HIBCH: variants seen among roughly 807,000 people sequenced by gnomAD.
HIBCH encodes the protein 3-hydroxyisobutyryl-CoA hydrolase, mitochondrial.
Under a neutral mutation model 58.2 loss-of-function variants are expected in HIBCH, and 50 were observed. The ratio of observed to expected loss-of-function variants is 0.86; its 90% confidence interval spans 0.68 to 1.09. The LOEUF (loss-of-function observed/expected upper bound fraction) is 1.09, where lower values mean the gene tolerates loss of function less well. Ranked by LOEUF, HIBCH falls within the 50% of genes least tolerant of loss-of-function variation. The pLI, the probability that HIBCH is intolerant of heterozygous loss-of-function variation, is 0.00. For synonymous variants in HIBCH, 151 were observed against 146.9 expected (o/e 1.03, Z -0.20); for missense variants, 450 against 449.7 (o/e 1.00, Z -0.01).
At chr2:190,213,258 T>A in intron 11 of HIBCH, 183 bp from the exon 12 acceptor site, 1 of 574,616 alleles carries the variant, frequency 1.7e-6, no homozygotes, top group Non-Finnish European at 3.1e-6. Flanking sequence ...AAACAAAACA[T>A]CATTCCACAA....
At chr2:190,202,182 C>T (rs1690264663), downstream of HIBCH, 1 of 167,022 alleles carries the variant, frequency 6.0e-6, no homozygotes, top group African/African-American at 2.4e-5. Flanking sequence ...AACTAGAAGT[C>T]TGATTTCTGT....
rs1468479808 is a variant in HIBCH at position 190,207,881 on chromosome 2, C to CA, written c.1045+998dup. Among the ~76,000 whole-genome samples the CA allele has an allele frequency of 1.5e-5, 2 of 136,606 alleles. No individual in the cohort carries two copies. Among genetic ancestry groups the CA allele is most frequent in the Non-Finnish European group, 3.2e-5 (2 of 63,382 alleles). 89.6% of individuals were successfully genotyped at this position (136,606 alleles called of 152,430 possible). A position where few individuals can be genotyped will look rare whatever the true frequency, so the allele number is the denominator to read the frequency against. On this transcript the variant is annotated intron_variant, in intron 13 of 13. Transcript: ENST00000359678. The surrounding 1 kb of genome is among the most constrained non-coding windows in gnomAD (Gnocchi z 4.5). Reference sequence around the variant, plus strand: ...GGGTGACAGTGTGAGACCCTGTCTCCAAAAAAAATAAAATAAAATAAAAAA... The same window carrying CA: ...GGGTGACAGTGTGAGACCCTGTCTCCAAAAAAAAATAAAATAAAATAAAAAA...
intron 6 of HIBCH, among the ~76,000 whole-genome samples, chr2:190,282,810 A>G (rs949973710): frequency 6.6e-6 from 1 of 150,984 alleles, no homozygotes; most frequent in South Asian, 2.1e-4. Context: ...AAATTTCTCT[A>G]TAACTGTATA....
rs1690417378 is a variant in HIBCH, at chr2:190,207,394, G to A, written c.1045+1486C>T. Among the ~76,000 whole-genome samples the A allele has an allele frequency of 6.6e-6, 1 of 152,138 alleles. No individual in the cohort carries two copies. The highest frequency in any genetic ancestry group is 1.5e-5 in the Non-Finnish European group (1 of 68,032). ...GAGAATTTGTGAGGAAAATGCCTATGTTACTTAGTTTCTACAAGACACACT... is the reference window on the plus strand; with the variant it reads ...GAGAATTTGTGAGGAAAATGCCTATATTACTTAGTTTCTACAAGACACACT... On this transcript the variant is annotated intron_variant, in intron 13 of 13. Transcript: ENST00000359678. This position sits in a 1 kb window ranked among gnomAD's most constrained non-coding sequence, Gnocchi z 4.5.
intron 1 of HIBCH, among the ~76,000 whole-genome samples, chr2:190,318,920 T>C (rs1025937201): frequency 6.6e-6 from 1 of 152,170 alleles, no homozygotes; most frequent in Non-Finnish European, 1.5e-5. Flanking sequence ...CCTGAAACTA[T>C]TCTTCTTAAG....
rs1446220861 is a variant in HIBCH at position 190,207,531 on chromosome 2, T to G, written c.1045+1349A>C. On this transcript the variant is annotated intron_variant, in intron 13 of 13. Coordinates refer to ENST00000359678, the MANE Select transcript of HIBCH (RefSeq NM_014362.4). This position sits in a 1 kb window ranked among gnomAD's most constrained non-coding sequence, Gnocchi z 4.5. ...TGAAGAGAACTCTATGAAGAGTGAT[T>G]GTTTATCAAAGCTTAAGAGCTGAGA... Among the ~76,000 whole-genome samples the G allele has an allele frequency of 2.6e-5, 4 of 152,216 alleles. No homozygotes were observed. Among genetic ancestry groups the G allele is most frequent in the Admixed American group, 2.6e-4 (4 of 15,280 alleles).
chr2:190,245,010 T>C, intron 10 of HIBCH, 42 bp from the exon 11 acceptor site: 1 of 1,206,132 alleles, frequency 8.3e-7, no homozygotes, highest in Non-Finnish European at 1.2e-6. Context: ...GTGTAAGTGA[T>C]TTCCTGTTTC....
chr2:190,289,200 T>C (rs540064780), intron 5 of HIBCH, among the ~76,000 whole-genome samples: 61 of 152,218 alleles, frequency 4.0e-4, no homozygotes, highest in African/African-American at 1.4e-3. Flanking sequence ...TATACAGCTT[T>C]TTTCATCACT....
chr2:190,284,769 T>C (rs2105979002), intron 6 of HIBCH, among the ~76,000 whole-genome samples: 1 of 152,320 alleles, frequency 6.6e-6, no homozygotes, highest in African/African-American at 2.4e-5. Context: ...TCTTAAGGCT[T>C]ATAATTTTAA....
At chr2:190,284,016 G>C (rs575534584) in intron 6 of HIBCH, among the ~76,000 whole-genome samples, 5 of 152,186 alleles carry the variant, frequency 3.3e-5, no homozygotes, top group African/African-American at 9.7e-5. Context: ...CCCCAGCCTC[G>C]AGACTGATTC....
In HIBCH at chr2:190,253,307, T is replaced by C. The variant is rs1191294951; in HGVS notation, c.518-1000A>G. On this transcript the variant is annotated intron_variant, in intron 7 of 13. Coordinates refer to ENST00000359678, the MANE Select transcript of HIBCH (RefSeq NM_014362.4). ...ACCCTCTAGTTTTATAATTTATGTA[T>C]CTGTTCTAAAGTTTCCTTTAATTAT... Among the ~76,000 whole-genome samples the C allele has an allele frequency of 2.6e-5, 4 of 152,184 alleles. No individual in the cohort carries two copies. In the East Asian group the frequency reaches 7.7e-4, roughly 29 times the overall value.
In HIBCH at chr2:190,243,454, C is replaced by T. The variant is rs1251117908; in HGVS notation, c.891+1433G>A. 6.6e-6 allele frequency among the ~76,000 whole-genome samples: 1 copy of T among 152,114 alleles called. No homozygotes were observed. The highest frequency in any genetic ancestry group is 6.5e-5 in the Admixed American group (1 of 15,290). ...CTATTAGTTCTTTCCCTCTAGAGAA[C>T]CCTGATACACCAACTTAAAGTCGGA... On this transcript the variant is annotated intron_variant, in intron 11 of 13. Coordinates refer to ENST00000359678, the MANE Select transcript of HIBCH (RefSeq NM_014362.4). The surrounding 1 kb of genome is among the most constrained non-coding windows in gnomAD (Gnocchi z 4.1).
chr2:190,195,137 T>C (rs1689908688), intron 1 of HIBCH, among the ~76,000 whole-genome samples: 1 of 152,156 alleles, frequency 6.6e-6, no homozygotes, highest in African/African-American at 2.4e-5. Flanking sequence ...GCTGGGATTG[T>C]AGGCGTGACT....
At chr2:190,231,498 G>A (rs930239362) in intron 11 of HIBCH, among the ~76,000 whole-genome samples, 11 of 152,042 alleles carry the variant, frequency 7.2e-5, no homozygotes, top group African/African-American at 1.2e-4. Flanking sequence ...AGTAATTACC[G>A]AAAAAGCTCT....
intron 2 of HIBCH, among the ~76,000 whole-genome samples, chr2:190,298,456 G>C (rs1280662710): frequency 6.6e-6 from 1 of 152,184 alleles, no homozygotes; most frequent in East Asian, 1.9e-4. Flanking sequence ...GACTGCGTGA[G>C]ATGGTATCTC....
At position 190,254,465 on chromosome 2, in the gene HIBCH, T is replaced by G. The variant is rs184885887; in HGVS notation, c.518-2158A>C. On this transcript the variant is annotated intron_variant, in intron 7 of 13. Transcript: ENST00000359678. This position sits in a 1 kb window ranked among gnomAD's most constrained non-coding sequence, Gnocchi z 5.0. ...TTTCTACTGTTTAAGCAACCAAGTTTGTGGTATTTTGTTATGCAGCCCTAA... is the reference window on the plus strand; with the variant it reads ...TTTCTACTGTTTAAGCAACCAAGTTGGTGGTATTTTGTTATGCAGCCCTAA... Among the ~76,000 whole-genome samples, 4 of 152,232 alleles carry G rather than the reference T, an allele frequency of 2.6e-5. No homozygotes were observed. The highest frequency in any genetic ancestry group is 1.5e-5 in the Non-Finnish European group (1 of 68,042).
chr2:190,246,883 G>T (rs988152178), intron 9 of HIBCH, among the ~76,000 whole-genome samples: 1 of 152,148 alleles, frequency 6.6e-6, no homozygotes, highest in Non-Finnish European at 1.5e-5. Flanking sequence ...AAGTATAAGA[G>T]GGTTCTGCAG....
chr2:190,283,103 T>C (rs557753367), intron 6 of HIBCH, among the ~76,000 whole-genome samples: 1 of 152,330 alleles, frequency 6.6e-6, no homozygotes, highest in Non-Finnish European at 1.5e-5. Context: ...ATTTCAGATT[T>C]TGGAACATTT....
rs1423210126 is a variant in HIBCH at position 190,315,905 on chromosome 2, A to C, written c.35+3811T>G. On this transcript the variant is annotated intron_variant, in intron 1 of 13. Coordinates refer to ENST00000359678, the MANE Select transcript of HIBCH (RefSeq NM_014362.4). This position sits in a 1 kb window ranked among gnomAD's most constrained non-coding sequence, Gnocchi z 5.4. ...GACGAAATACAAATTCAATTTTTTGAATTTGAATTTGTACTGACATAAGCA... is the reference window on the plus strand; with the variant it reads ...GACGAAATACAAATTCAATTTTTTGCATTTGAATTTGTACTGACATAAGCA... Among the ~76,000 whole-genome samples the C allele has an allele frequency of 1.3e-5, 2 of 152,206 alleles. No homozygotes were observed. Among genetic ancestry groups the C allele is most frequent in the East Asian group, 3.9e-4 (2 of 5,192 alleles).
Sources: gnomAD v4.1 joint callset for allele counts (sites outside exome capture counted in the v4.1 genomes callset) on GRCh38, gnomAD v4.1.1 for gene constraint, Gnocchi (gnomAD v3.1) non-coding constraint, MANE v1.5 for transcripts, NCBI Gene and HGNC (gene_info 2026-07-23, HGNC 2026-07-21) for gene names.